Variants in BMPR1B observed in about 807,000 individuals in gnomAD.
BMPR1B encodes the protein bone morphogenetic protein receptor type 1B.
A neutral mutation model predicts 59.1 loss-of-function variants in BMPR1B; 12 were observed. The ratio of observed to expected loss-of-function variants is 0.20; its 90% CI spans 0.13 to 0.33. BMPR1B has a LOEUF of 0.33. Ranked by LOEUF, BMPR1B falls within the 10% of genes least tolerant of loss-of-function variation. The probability of loss-of-function intolerance (pLI) is 1.00; values close to 1 mark genes in which losing one functional copy is unlikely to be tolerated. For synonymous variants in BMPR1B, 237 were observed against 207.3 expected (o/e 1.14, Z -1.23); for missense variants, 550 against 610.9 (o/e 0.90, Z 1.05).
At chr4:94,836,190 T>C (rs62316163) in intron 1 of BMPR1B, among the ~76,000 whole-genome samples, 30,515 of 149,746 alleles carry the variant, frequency 0.2, 3,215 homozygotes, top group South Asian at 0.3. Context: ...TCCAAGTCTT[T>C]GCTATTGTGA....
At chr4:94,994,457 TC>T (rs1328416628) in intron 2 of BMPR1B, among the ~76,000 whole-genome samples, 2 of 152,228 alleles carry the variant, frequency 1.3e-5, no homozygotes, top group Non-Finnish European at 2.9e-5. Flanking sequence ...TTTTCCCTTC[TC>T]CCATGGTTTC....
At chr4:94,867,718 C>A (rs1726302385) in intron 1 of BMPR1B, among the ~76,000 whole-genome samples, 1 of 152,196 alleles carries the variant, frequency 6.6e-6, no homozygotes, top group Non-Finnish European at 1.5e-5. Flanking sequence ...ATTGAAAATA[C>A]TGGTCTTTGA....
chr4:94,775,372 T>C (rs558488474), intron 1 of BMPR1B, among the ~76,000 whole-genome samples: 4 of 152,232 alleles, frequency 2.6e-5, no homozygotes, highest in Non-Finnish European at 4.4e-5. Flanking sequence ...TCTTGTAAAA[T>C]GTTTCTAAGC....
At chr4:94,919,567 T>C (rs1728615316) in intron 2 of BMPR1B, among the ~76,000 whole-genome samples, 1 of 151,928 alleles carries the variant, frequency 6.6e-6, no homozygotes, top group Non-Finnish European at 1.5e-5. Context: ...CAAGAAATGG[T>C]TTAAGCCAGA....
intron 1 of BMPR1B, among the ~76,000 whole-genome samples, chr4:94,758,533 G>T (rs1190346803): frequency 1.3e-5 from 2 of 152,016 alleles, no homozygotes; most frequent in Non-Finnish European, 2.9e-5. Context: ...CGGCGGGGCG[G>T]GGGCCCAGGG....
At chr4:94,869,245 T>C (rs945301703) in intron 1 of BMPR1B, among the ~76,000 whole-genome samples, 2 of 152,204 alleles carry the variant, frequency 1.3e-5, no homozygotes, top group Admixed American at 6.5e-5. Flanking sequence ...GTGAGGTTTT[T>C]AGAATCTAGA....
At chr4:95,011,680 G>A (rs997840525) in intron 3 of BMPR1B, among the ~76,000 whole-genome samples, 1 of 152,058 alleles carries the variant, frequency 6.6e-6, no homozygotes, top group South Asian at 2.1e-4. Flanking sequence ...CTTTTAGCTG[G>A]CTATATTACT....
At chr4:94,970,137 A>C (rs1730716154) in intron 2 of BMPR1B, among the ~76,000 whole-genome samples, 1 of 152,202 alleles carries the variant, frequency 6.6e-6, no homozygotes, top group South Asian at 2.1e-4. Context: ...TTACTCTGAC[A>C]ATAATTCAGC....
intron 3 of BMPR1B, among the ~76,000 whole-genome samples, chr4:95,065,455 C>T (rs1727727936): frequency 6.6e-6 from 1 of 152,020 alleles, no homozygotes; most frequent in Non-Finnish European, 1.5e-5. Context: ...TTAATTATAT[C>T]CCAATAAAGC....
intron 2 of BMPR1B, among the ~76,000 whole-genome samples, chr4:94,981,367 C>T (rs567537448): frequency 1.3e-5 from 2 of 152,172 alleles, no homozygotes; most frequent in Admixed American, 1.3e-4. Flanking sequence ...CCACCATGCC[C>T]AGCAAATTTA....
intron 1 of BMPR1B, among the ~76,000 whole-genome samples, chr4:94,827,737 G>T (rs765518524): frequency 6.6e-6 from 1 of 152,160 alleles, no homozygotes. Context: ...TGATGTGAAA[G>T]ATTTTAAATA....
intron 1 of BMPR1B, among the ~76,000 whole-genome samples, chr4:94,763,816 T>C (rs1172907518): frequency 6.6e-6 from 1 of 152,220 alleles, no homozygotes; most frequent in Non-Finnish European, 1.5e-5. Context: ...TAGTACACTT[T>C]ATGACCATCT....
chr4:95,059,198 A>C (rs1375568683), intron 3 of BMPR1B, among the ~76,000 whole-genome samples: 3 of 152,304 alleles, frequency 2.0e-5, no homozygotes, highest in African/African-American at 7.2e-5. Flanking sequence ...CAATAATCAC[A>C]AAAGAGTTCC....
At chr4:94,800,453 T>C (rs1206144961) in intron 1 of BMPR1B, among the ~76,000 whole-genome samples, 3 of 150,580 alleles carry the variant, frequency 2.0e-5, no homozygotes, top group Non-Finnish European at 4.4e-5. Flanking sequence ...TACTATTTTT[T>C]TTTTTTTTTT....
At chr4:95,130,876 C>T (rs2149301300) in intron 9 of BMPR1B, among the ~76,000 whole-genome samples, 1 of 151,948 alleles carries the variant, frequency 6.6e-6, no homozygotes, top group Admixed American at 6.6e-5. Flanking sequence ...ATCACAGGCA[C>T]ATGCCACCAT....
intron 8 of BMPR1B, among the ~76,000 whole-genome samples, chr4:95,126,409 A>G (rs935558791): frequency 6.6e-6 from 1 of 152,346 alleles, no homozygotes; most frequent in East Asian, 1.9e-4. Context: ...TTAAAAGCAT[A>G]TATTCTCAAG....
intron 3 of BMPR1B, among the ~76,000 whole-genome samples, chr4:95,089,758 T>C (rs1434549): frequency 0.33 from 50,251 of 151,886 alleles, 8,331 homozygotes; most frequent in Middle Eastern, 0.44. Context: ...AAGATTGTCC[T>C]TTGGCAGTCT....
chr4:94,808,336 C>T (rs2110634178), intron 1 of BMPR1B, among the ~76,000 whole-genome samples: 1 of 152,134 alleles, frequency 6.6e-6, no homozygotes, highest in Admixed American at 6.5e-5. Context: ...TTTCTCTATA[C>T]ATATTTTAGA....
chr4:95,086,203 A>C (rs1464362022), intron 3 of BMPR1B, among the ~76,000 whole-genome samples: 2 of 152,200 alleles, frequency 1.3e-5, no homozygotes, highest in African/African-American at 4.8e-5. Context: ...GATAGCAAGA[A>C]TCCTTTCTTG....
Sources: allele counts gnomAD v4.1 joint callset (sites outside exome capture counted in the v4.1 genomes callset), GRCh38; gene constraint gnomAD v4.1.1; transcripts MANE v1.5; gene names NCBI Gene and HGNC (gene_info 2026-07-23, HGNC 2026-07-21).